The following RBFOX1 variants were observed in gnomAD, a reference collection of about 807,000 sequenced individuals.
RBFOX1 encodes RNA binding fox-1 homolog 1.
RBFOX1 carries 8 observed loss-of-function variants against 57.7 expected under a neutral mutation model. That is an observed-to-expected ratio of 0.14 (90% CI 0.08 to 0.25). The LOEUF (loss-of-function observed/expected upper bound fraction) is 0.25, where lower values mean the gene tolerates loss of function less well. Among genes scored for constraint, RBFOX1 ranks in the 10% least tolerant of loss-of-function variants. The pLI is 1.00. For missense variants in RBFOX1, 611 were observed against 548.5 expected, an observed-to-expected ratio of 1.11 and a Z score of -1.14; for synonymous variants, 326 against 222.4, an observed-to-expected ratio of 1.47 and a Z score of -4.15.
chr16:6,322,540 T>C (rs1388303772), intron 2 of RBFOX1, among the ~76,000 whole-genome samples: 1 of 152,184 alleles, frequency 6.6e-6, no homozygotes, highest in Non-Finnish European at 1.5e-5. Flanking sequence ...AGCTACTTGA[T>C]TGCCCCTTGT....
At chr16:7,154,296 A>T (rs2076666523) in intron 4 of RBFOX1, among the ~76,000 whole-genome samples, 1 of 152,220 alleles carries the variant, frequency 6.6e-6, no homozygotes, top group African/African-American at 2.4e-5. Flanking sequence ...GCTGTAAAAG[A>T]GACAAGTGAA....
At chr16:5,842,097 G>C (rs1404103756) in intron 3 of RBFOX1, among the ~76,000 whole-genome samples, 2 of 152,164 alleles carry the variant, frequency 1.3e-5, no homozygotes, top group Admixed American at 1.3e-4. Flanking sequence ...TGTGTGTCAG[G>C]TTCCTGGAGA....
chr16:6,000,222 C>CA (rs2060573113), intron 4 of RBFOX1, among the ~76,000 whole-genome samples: 1 of 152,152 alleles, frequency 6.6e-6, no homozygotes, highest in Admixed American at 6.5e-5. Context: ...CCATGCCCCC[C>CA]TGGTGCGATG....
chr16:6,988,146 G>A (rs771341686), intron 3 of RBFOX1, among the ~76,000 whole-genome samples: 104 of 152,204 alleles, frequency 6.8e-4, no homozygotes, highest in Non-Finnish European at 1.2e-3. Flanking sequence ...AAAAGAAAAC[G>A]CATTTCAAAG....
chr16:7,086,458 A>G (rs1309876141), intron 4 of RBFOX1, among the ~76,000 whole-genome samples: 1 of 152,172 alleles, frequency 6.6e-6, no homozygotes, highest in Non-Finnish European at 1.5e-5. Flanking sequence ...GGCAAATTGC[A>G]TTCCCCATCC....
chr16:6,187,629 G>C (rs994767604), intron 1 of RBFOX1, among the ~76,000 whole-genome samples: 3 of 152,174 alleles, frequency 2.0e-5, no homozygotes, highest in South Asian at 2.1e-4. Context: ...ATCCAGGCTG[G>C]AGATCAGGAT....
chr16:6,143,344 G>A (rs2096733345), intron 1 of RBFOX1, among the ~76,000 whole-genome samples: 1 of 152,200 alleles, frequency 6.6e-6, no homozygotes, highest in Non-Finnish European at 1.5e-5. Flanking sequence ...CAGATGAGAA[G>A]TGCTTTATCT....
chr16:5,289,305 C>T (rs909514877), intron 1 of RBFOX1: 1 of 412,882 alleles, frequency 2.4e-6, no homozygotes, highest in Non-Finnish European at 4.6e-6. Flanking sequence ...CTCCCATGGT[C>T]AGCCTCATTC....
intron 4 of RBFOX1, among the ~76,000 whole-genome samples, chr16:7,294,832 C>G (rs994016054): frequency 1.3e-5 from 2 of 152,130 alleles, no homozygotes; most frequent in Non-Finnish European, 2.9e-5. Flanking sequence ...AGCATCTCTA[C>G]TGCTGTTTGT....
chr16:5,411,375 G>T (rs181148446), intron 1 of RBFOX1, among the ~76,000 whole-genome samples: 1 of 152,202 alleles, frequency 6.6e-6, no homozygotes, highest in Admixed American at 6.5e-5. Flanking sequence ...CTGTTGGCTG[G>T]AGATGGAGGA....
intron 3 of RBFOX1, among the ~76,000 whole-genome samples, chr16:6,937,220 G>C (rs2077522584): frequency 6.6e-6 from 1 of 151,996 alleles, no homozygotes; most frequent in Non-Finnish European, 1.5e-5. Context: ...AATCAAAATA[G>C]TATAATGAAT....
intron 1 of RBFOX1, among the ~76,000 whole-genome samples, chr16:6,066,838 C>T (rs2095770753): frequency 6.6e-6 from 1 of 152,102 alleles, no homozygotes; most frequent in Non-Finnish European, 1.5e-5. Flanking sequence ...GAGGTAGAGA[C>T]ATGGGCTTTT....
intron 4 of RBFOX1, among the ~76,000 whole-genome samples, chr16:7,469,193 C>T (rs2061092837): frequency 6.6e-6 from 1 of 151,728 alleles, no homozygotes; most frequent in East Asian, 2.0e-4. Context: ...CTTGGCCTCC[C>T]AAAATGCTGG....
chr16:7,041,033 AG>A (rs2045982315), intron 3 of RBFOX1, among the ~76,000 whole-genome samples: 1 of 150,730 alleles, frequency 6.6e-6, no homozygotes, highest in Admixed American at 6.6e-5. Flanking sequence ...CTCCTGCCTC[AG>A]CCCCCTGAGT....
intron 2 of RBFOX1, among the ~76,000 whole-genome samples, chr16:6,528,932 C>G (rs76321793): frequency 1.3e-5 from 2 of 152,140 alleles, no homozygotes; most frequent in African/African-American, 4.8e-5. Flanking sequence ...ATTAAATGAA[C>G]AGGTAAAATT....
At chr16:7,680,740 G>A (rs756960857) in intron 14 of RBFOX1, among the ~76,000 whole-genome samples, 14 of 152,144 alleles carry the variant, frequency 9.2e-5, no homozygotes, top group Non-Finnish European at 1.9e-4. Flanking sequence ...AAGTTTCACT[G>A]CTAATGTAGA....
At chr16:7,692,237 A>T (rs1334237909) in intron 14 of RBFOX1, among the ~76,000 whole-genome samples, 1 of 152,132 alleles carries the variant, frequency 6.6e-6, no homozygotes, top group Non-Finnish European at 1.5e-5. Flanking sequence ...TTCTCAAAGC[A>T]TGTATAACTT....
chr16:5,269,260 G>A (rs1486402722), intron 1 of RBFOX1, among the ~76,000 whole-genome samples: 1 of 152,238 alleles, frequency 6.6e-6, no homozygotes, highest in African/African-American at 2.4e-5. Flanking sequence ...TGGGTATGAT[G>A]TGGTATCTCA....
intron 4 of RBFOX1, among the ~76,000 whole-genome samples, chr16:6,011,782 G>T (rs1437973398): frequency 6.6e-6 from 1 of 152,160 alleles, no homozygotes; most frequent in East Asian, 1.9e-4. Context: ...GCACGCTGAG[G>T]ACTTGCGCTT....
Sources: allele counts gnomAD v4.1 joint callset (sites outside exome capture counted in the v4.1 genomes callset), GRCh38; gene constraint gnomAD v4.1.1; transcripts MANE v1.5; gene names NCBI Gene and HGNC (gene_info 2026-07-23, HGNC 2026-07-21).